Variants in DPP10 observed in about 807,000 individuals in gnomAD.
DPP10 encodes dipeptidyl peptidase like 10.
Under a neutral mutation model 120.9 loss-of-function variants are expected in DPP10, and 33 were observed. The observed-to-expected ratio is 0.27, with a 90% confidence interval of 0.21 to 0.37. DPP10 has a LOEUF of 0.37. Among genes scored for constraint, DPP10 ranks in the 10% least tolerant of loss-of-function variants. The probability of loss-of-function intolerance (pLI) is 1.00; values close to 1 mark genes in which losing one functional copy is unlikely to be tolerated. For missense variants in DPP10, 816 were observed against 942.8 expected, an observed-to-expected ratio of 0.87 and a Z score of 1.76; for synonymous variants, 337 against 326.1, an observed-to-expected ratio of 1.03 and a Z score of -0.36.
chr2:115,271,207 T>C (rs1159564917), intron 1 of DPP10, among the ~76,000 whole-genome samples: 1 of 152,238 alleles, frequency 6.6e-6, no homozygotes, highest in Admixed American at 6.6e-5. Context: ...ATTAGGTTGA[T>C]GTGGACAACA....
Position 114,442,817 on chromosome 2 carries a change from T to G in DPP10, c.39T>G (p.Cys13Trp). The G allele has an allele frequency of 6.2e-7, 1 of 1,613,388 alleles. No homozygotes were observed. Among genetic ancestry groups the G allele is most frequent in the Non-Finnish European group, 8.5e-7 (1 of 1,179,526 alleles). Residue 13 changes from cysteine (C) to tryptophan (W), a missense_variant, in exon 1 of 26, where the codon TGT becomes TGG. Coordinates refer to ENST00000410059, the MANE Select transcript of DPP10 (RefSeq NM_020868.6). ...QTASVSHHIK[C>W]QPSKTIKELG... ...CCAGCGTGTCCCATCACATCAAGTGTCAACCCTCAAAAACAATCAAGGTAG... is the reference window on the plus strand; with the variant it reads ...CCAGCGTGTCCCATCACATCAAGTGGCAACCCTCAAAAACAATCAAGGTAG...
In DPP10 at chr2:114,859,601, C is replaced by T. The variant is rs556138914; in HGVS notation, c.60+416763C>T. Among the ~76,000 whole-genome samples, 29 of 152,210 alleles carry T rather than the reference C, an allele frequency of 1.9e-4. 1 individual carries two copies. The South Asian group carries it at 5.6e-3, about 29-fold the overall frequency. On this transcript the variant is annotated intron_variant, in intron 1 of 25. Coordinates refer to ENST00000410059, the MANE Select transcript of DPP10 (RefSeq NM_020868.6). ...ATAATATATTTGATTTGAAATGGGACTCACATTTTCTAAAATCAGTGCCAA... is the reference window on the plus strand; with the variant it reads ...ATAATATATTTGATTTGAAATGGGATTCACATTTTCTAAAATCAGTGCCAA...
intron 1 of DPP10, among the ~76,000 whole-genome samples, chr2:114,965,888 C>T (rs1304333021): frequency 1.9e-4 from 27 of 142,278 alleles, no homozygotes; most frequent in Middle Eastern, 4.2e-3. Flanking sequence ...ATGGCATGAA[C>T]CCGGGAGGCA....
At chr2:115,199,143 A>T (rs1176231091) in intron 1 of DPP10, among the ~76,000 whole-genome samples, 5 of 152,166 alleles carry the variant, frequency 3.3e-5, no homozygotes, top group Admixed American at 3.3e-4. Context: ...AAATGTTATT[A>T]ATTTAATAAA....
intron 1 of DPP10, among the ~76,000 whole-genome samples, chr2:115,164,077 C>T (rs921921549): frequency 2.0e-5 from 3 of 152,022 alleles, no homozygotes; most frequent in Non-Finnish European, 1.5e-5. Context: ...AAGTGCCTTT[C>T]TGAGTATTGA....
intron 3 of DPP10, among the ~76,000 whole-genome samples, chr2:115,425,077 G>A (rs2070331925): frequency 6.6e-6 from 1 of 152,148 alleles, no homozygotes; most frequent in Non-Finnish European, 1.5e-5. Context: ...CAGTGAACAA[G>A]TTCATAAAAA....
At chr2:115,405,150 C>T (rs886790481) in intron 3 of DPP10, among the ~76,000 whole-genome samples, 1 of 152,076 alleles carries the variant, frequency 6.6e-6, no homozygotes, top group African/African-American at 2.4e-5. Flanking sequence ...CAGCTATAAG[C>T]CTGTAAAATA....
chr2:114,912,741 G>A (rs574317675), intron 1 of DPP10, among the ~76,000 whole-genome samples: 4 of 152,300 alleles, frequency 2.6e-5, no homozygotes, highest in Admixed American at 2.6e-4. Context: ...AGTTTGAATA[G>A]GCATAGAGTG....
At chr2:115,839,538 G>A (rs911720497) in intron 24 of DPP10, among the ~76,000 whole-genome samples, 1 of 151,940 alleles carries the variant, frequency 6.6e-6, no homozygotes, top group Non-Finnish European at 1.5e-5. Context: ...GCTGGGCATG[G>A]TGGTGCACGC....
rs1338586578 is a variant in DPP10, at chr2:115,786,514, A to T, written c.1531+4115A>T. 2.7e-5 allele frequency among the ~76,000 whole-genome samples: 4 copies of T among 150,828 alleles called. 1 individual carries two copies. The South Asian group carries it at 8.4e-4, about 32-fold the overall frequency. Reference sequence around the variant, plus strand: ...TTCCCTTGTTTCCTTTAATAATAATAAAAAAAAAGAGTAAAGAAAACTGGA... The same window carrying T: ...TTCCCTTGTTTCCTTTAATAATAATTAAAAAAAAGAGTAAAGAAAACTGGA... On this transcript the variant is annotated intron_variant, in intron 17 of 25. Transcript: ENST00000410059.
At chr2:115,092,262 AT>A (rs1454763294) in intron 1 of DPP10, among the ~76,000 whole-genome samples, 3 of 152,168 alleles carry the variant, frequency 2.0e-5, no homozygotes, top group African/African-American at 7.2e-5. Flanking sequence ...TTTCATGTCC[AT>A]TATCACCTCA....
At chr2:114,753,908 C>CAAACA (rs1553419763) in intron 1 of DPP10, among the ~76,000 whole-genome samples, 4 of 33,768 alleles carry the variant, frequency 1.2e-4, no homozygotes, top group African/African-American at 3.5e-4. Flanking sequence ...GACTCCTTCT[C>CAAACA]AAAAAAAAAA....
chr2:114,885,238 A>G (rs529312450), intron 1 of DPP10, among the ~76,000 whole-genome samples: 132 of 152,212 alleles, frequency 8.7e-4, no homozygotes, highest in Middle Eastern at 3.4e-3. Flanking sequence ...AGGGGGAACA[A>G]TCATGTCACA....
At chr2:114,583,124 T>C (rs1001957215) in intron 1 of DPP10, among the ~76,000 whole-genome samples, 15 of 152,242 alleles carry the variant, frequency 9.9e-5, no homozygotes, top group African/African-American at 3.6e-4. Context: ...TATTAGCCTG[T>C]TTTAAATTTA....
chr2:115,102,011 G>A (rs891308673), intron 1 of DPP10, among the ~76,000 whole-genome samples: 10 of 152,172 alleles, frequency 6.6e-5, no homozygotes, highest in South Asian at 2.1e-4. Context: ...AAAAGTAAAC[G>A]TACAGTGGGA....
chr2:114,951,381 A>G (rs1331648332), intron 1 of DPP10, among the ~76,000 whole-genome samples: 4 of 152,330 alleles, frequency 2.6e-5, no homozygotes, highest in Non-Finnish European at 4.4e-5. Context: ...AGCGACAAAA[A>G]GACAATCCCT....
At position 115,093,430 on chromosome 2, in the gene DPP10, A is replaced by C. The variant is rs529425678; in HGVS notation, c.61-215809A>C. On this transcript the variant is annotated intron_variant, in intron 1 of 25. Coordinates refer to ENST00000410059, the MANE Select transcript of DPP10 (RefSeq NM_020868.6). ...TTATAAAAGATAATTGCCCAATATA[A>C]ATAATAACTAAAATTTAAGAAGAAA... is the stretch of plus-strand genomic sequence containing the variant. Among the ~76,000 whole-genome samples, 128 of 152,274 alleles carry C rather than the reference A, an allele frequency of 8.4e-4. 1 individual carries two copies. The highest frequency in any genetic ancestry group is 2.9e-3 in the African/African-American group (120 of 41,578).
At chr2:114,552,671 G>A (rs1687979031) in intron 1 of DPP10, among the ~76,000 whole-genome samples, 2 of 151,768 alleles carry the variant, frequency 1.3e-5, no homozygotes, top group Non-Finnish European at 2.9e-5. Flanking sequence ...TCAGCCTCCC[G>A]AGTAGCTGGG....
chr2:114,825,687 T>G (rs951453227), intron 1 of DPP10, among the ~76,000 whole-genome samples: 1 of 152,100 alleles, frequency 6.6e-6, no homozygotes, highest in African/African-American at 2.4e-5. Context: ...GACCCAGAAT[T>G]TGAGATAAAG....
Sources: gnomAD v4.1 joint callset for allele counts (sites outside exome capture counted in the v4.1 genomes callset) on GRCh38, gnomAD v4.1.1 for gene constraint, MANE v1.5 for transcripts, NCBI Gene and HGNC (gene_info 2026-07-23, HGNC 2026-07-21) for gene names.